Variants in MEGF11 observed in about 807,000 individuals in gnomAD.
MEGF11 encodes multiple EGF like domains 11.
Under a neutral mutation model 146.6 loss-of-function variants are expected in MEGF11, and 126 were observed. That is an observed-to-expected ratio of 0.86 (90% CI 0.74 to 1.00). The LOEUF (loss-of-function observed/expected upper bound fraction) is 1.00. Among genes scored for constraint, MEGF11 ranks in the 50% least tolerant of loss-of-function variants. The probability of loss-of-function intolerance (pLI) is 0.00; values close to 1 mark genes in which losing one functional copy is unlikely to be tolerated. For synonymous variants in MEGF11, 532 were observed against 583.4 expected (o/e 0.91, Z 1.27); for missense variants, 1,509 against 1,521.2 (o/e 0.99, Z 0.13).
Position 65,935,195 on chromosome 15 carries a change from C to G in MEGF11, c.1288-4252G>C, listed in dbSNP as rs572207840. Among the ~76,000 whole-genome samples the G allele has an allele frequency of 5.3e-5, 8 of 152,060 alleles. No individual in the cohort carries two copies. The East Asian group carries it at 1.5e-3, about 29-fold the overall frequency. On this transcript the variant is annotated intron_variant, in intron 10 of 25. Transcript: ENST00000395614. ...ATTAGCTGGGCGTGGTGGTGCACAC[C>G]TGTAGTCCCAGCTACTTGGGAGGCT...
chr15:66,188,073 T>C (rs2090760284), intron 1 of MEGF11, among the ~76,000 whole-genome samples: 1 of 152,120 alleles, frequency 6.6e-6, no homozygotes, highest in African/African-American at 2.4e-5. Context: ...CTGTGCACTG[T>C]AGGACATCGA....
intron 1 of MEGF11, among the ~76,000 whole-genome samples, chr15:66,193,180 G>A (rs1597144971): frequency 6.6e-6 from 1 of 152,090 alleles, no homozygotes; most frequent in Non-Finnish European, 1.5e-5. Flanking sequence ...TCTAGTTATG[G>A]AAAAAAATCC....
chr15:65,984,213 C>G (rs2081764000), intron 5 of MEGF11, among the ~76,000 whole-genome samples: 1 of 152,122 alleles, frequency 6.6e-6, no homozygotes, highest in Non-Finnish European at 1.5e-5. Flanking sequence ...TATGCTACAG[C>G]CTCCACTCAC....
chr15:66,123,218 G>T (rs1465907833), intron 3 of MEGF11, among the ~76,000 whole-genome samples: 1 of 152,152 alleles, frequency 6.6e-6, no homozygotes, highest in Non-Finnish European at 1.5e-5. Flanking sequence ...TCTGCAGGAG[G>T]GCTGCAGACA....
intron 5 of MEGF11, among the ~76,000 whole-genome samples, chr15:66,013,369 C>G (rs1458379245): frequency 6.6e-6 from 1 of 152,170 alleles, no homozygotes; most frequent in Non-Finnish European, 1.5e-5. Context: ...CTCCCACCCC[C>G]ACCCCAGGTC....
intron 23 of MEGF11, 145 bp from the exon 24 acceptor site, chr15:65,906,286 T>TG (rs1429542696): frequency 1.6e-6 from 1 of 621,692 alleles, no homozygotes; most frequent in East Asian, 2.9e-5. Context: ...AAAATGATTC[T>TG]GGGGGTTTAA....
intron 1 of MEGF11, among the ~76,000 whole-genome samples, chr15:66,135,659 C>A (rs1194628056): frequency 6.6e-6 from 1 of 152,328 alleles, no homozygotes; most frequent in African/African-American, 2.4e-5. Context: ...TCTGGCCCAT[C>A]TCCATTCTAG....
At chr15:66,207,714 CA>C (rs1355721445) in intron 1 of MEGF11, among the ~76,000 whole-genome samples, 1 of 152,028 alleles carries the variant, frequency 6.6e-6, no homozygotes, top group East Asian at 1.9e-4. Flanking sequence ...AAGACAATGC[CA>C]AAAGCAATAA....
At chr15:66,225,854 T>C (rs960239249) in intron 1 of MEGF11, among the ~76,000 whole-genome samples, 3 of 152,070 alleles carry the variant, frequency 2.0e-5, no homozygotes, top group Non-Finnish European at 2.9e-5. Context: ...TACATACATA[T>C]ACAGGCACAT....
chr15:66,213,790 TAGAC>T (rs1479007030), intron 1 of MEGF11, among the ~76,000 whole-genome samples: 1 of 152,002 alleles, frequency 6.6e-6, no homozygotes, highest in Admixed American at 6.6e-5. Flanking sequence ...GCTACAACAT[TAGAC>T]AGTGCCATTT....
At chr15:66,123,749 A>G in intron 3 of MEGF11, 150 bp downstream of exon 3, 1 of 652,698 alleles carries the variant, frequency 1.5e-6, no homozygotes, top group Non-Finnish European at 2.7e-6. Context: ...TCTTTTGGCC[A>G]GAAAGAAGCC....
chr15:66,242,930 A>G (rs903157821), intron 1 of MEGF11, among the ~76,000 whole-genome samples: 3 of 152,232 alleles, frequency 2.0e-5, no homozygotes, highest in Non-Finnish European at 4.4e-5. Flanking sequence ...AATGGGACAC[A>G]AGGCTGAATT....
At chr15:65,986,044 C>T (rs1213181114) in intron 5 of MEGF11, among the ~76,000 whole-genome samples, 2 of 151,498 alleles carry the variant, frequency 1.3e-5, no homozygotes, top group Admixed American at 6.6e-5. Flanking sequence ...CTCCACTTCC[C>T]GGGTTCAAGC....
In MEGF11 at chr15:65,928,384, T is replaced by G; in HGVS notation, c.1675+41A>C. ...GAGAAGTAGGATACCAAGAACCCAGTTTCACAGTACCTGGGTGGTGGCACA... is the reference window on the plus strand; with the variant it reads ...GAGAAGTAGGATACCAAGAACCCAGGTTCACAGTACCTGGGTGGTGGCACA... On this transcript the variant is annotated intron_variant, in intron 13 of 25. Coordinates refer to ENST00000395614, the MANE Select transcript of MEGF11 (RefSeq NM_001385028.1). 4.3e-6 allele frequency: 6 copies of G among 1,392,310 alleles called. No homozygotes were observed. The South Asian group carries it at 8.4e-5, about 19-fold the overall frequency. 86.2% of individuals were successfully genotyped at this position (1,392,310 alleles called of 1,614,324 possible). A position where few individuals can be genotyped will look rare whatever the true frequency, so the allele number is the denominator to read the frequency against.
At chr15:66,106,305 G>C (rs547782184) in intron 4 of MEGF11, among the ~76,000 whole-genome samples, 27 of 152,312 alleles carry the variant, frequency 1.8e-4, no homozygotes, top group African/African-American at 6.0e-4. Flanking sequence ...CTTTTTCATG[G>C]ACAGACATGT....
At chr15:66,178,284 C>A (rs1189112617) in intron 1 of MEGF11, among the ~76,000 whole-genome samples, 4 of 152,204 alleles carry the variant, frequency 2.6e-5, no homozygotes, top group African/African-American at 9.7e-5. Context: ...CTGCACCTGG[C>A]TCTTCACTAC....
At chr15:65,939,842 TA>T (rs1418181352) in intron 10 of MEGF11, among the ~76,000 whole-genome samples, 4 of 152,182 alleles carry the variant, frequency 2.6e-5, no homozygotes, top group Non-Finnish European at 5.9e-5. Context: ...GTTTCCCTGT[TA>T]CTGCTCCTTT....
intron 5 of MEGF11, among the ~76,000 whole-genome samples, chr15:65,993,397 C>A (rs575547487): frequency 2.6e-5 from 4 of 152,196 alleles, no homozygotes; most frequent in Non-Finnish European, 4.4e-5. Context: ...CAGCTCCCAG[C>A]GGCCCAGCAG....
intron 4 of MEGF11, among the ~76,000 whole-genome samples, chr15:66,101,199 A>T (rs116548959): frequency 6.6e-5 from 10 of 152,226 alleles, no homozygotes; most frequent in African/African-American, 2.2e-4. Context: ...AGAGCTTCAC[A>T]GAGAAAGTGA....
Sources: allele counts gnomAD v4.1 joint callset (sites outside exome capture counted in the v4.1 genomes callset), GRCh38; gene constraint gnomAD v4.1.1; transcripts MANE v1.5; gene names NCBI Gene and HGNC (gene_info 2026-07-23, HGNC 2026-07-21).